LRSAM1: variants seen among roughly 807,000 people sequenced by gnomAD.
The protein encoded by LRSAM1 is leucine rich repeat and sterile alpha motif containing 1, also known as E3 ubiquitin-protein ligase LRSAM1.
LRSAM1 carries 96 observed loss-of-function variants against 118.1 expected under a neutral mutation model. That is an observed-to-expected ratio of 0.81 (90% CI 0.69 to 0.96). The LOEUF is 0.96. Ranked by LOEUF, LRSAM1 falls within the 40% of genes least tolerant of loss-of-function variation. The probability of loss-of-function intolerance (pLI) is 0.00; values close to 1 mark genes in which losing one functional copy is unlikely to be tolerated. For synonymous variants in LRSAM1, 322 were observed against 364.2 expected (o/e 0.88, Z 1.32); for missense variants, 804 against 915.5 (o/e 0.88, Z 1.57).
At position 127,482,996 on chromosome 9, in the gene LRSAM1, A is replaced by G; in HGVS notation, c.1135A>G (p.Ser379Gly). Residue 379 changes from serine to glycine, a missense_variant, in exon 16 of 26, where the codon AGC (serine) becomes GGC (glycine). Coordinates refer to ENST00000300417, the MANE Select transcript of LRSAM1 (RefSeq NM_001005373.4). ...LMSITQEETE[S>G]LRRRDVASAM... The stretch of plus-strand genomic sequence containing the variant: ...GTCCATAACCCAGGAGGAGACTGAG[A>G]GCCTGCGGCGACGTGACGTTGCCTG... 8.8e-6 allele frequency: 14 copies of G among 1,589,006 alleles called. No individual in the cohort carries two copies. The highest frequency in any genetic ancestry group is 1.2e-5 in the Non-Finnish European group (14 of 1,167,912).
chr9:127,480,877 C>G (rs1418655303), intron 14 of LRSAM1, among the ~76,000 whole-genome samples: 1 of 152,138 alleles, frequency 6.6e-6, no homozygotes, highest in Non-Finnish European at 1.5e-5. Flanking sequence ...TAAGGTTTCT[C>G]CATGTTGACC....
At chr9:127,460,728 G>T (rs1039223126) in intron 7 of LRSAM1, among the ~76,000 whole-genome samples, 2 of 152,142 alleles carry the variant, frequency 1.3e-5, no homozygotes, top group African/African-American at 2.4e-5. Context: ...GGGCCGGTAG[G>T]GGGAGATAAG....
At chr9:127,460,380 A>G (rs1182537029) in intron 7 of LRSAM1, among the ~76,000 whole-genome samples, 1 of 152,192 alleles carries the variant, frequency 6.6e-6, no homozygotes, top group Non-Finnish European at 1.5e-5. Flanking sequence ...GAGGGAGCAC[A>G]GCTTCGGAAT....
At chr9:127,456,915 A>G (rs190372376) in intron 5 of LRSAM1, among the ~76,000 whole-genome samples, 2 of 152,046 alleles carry the variant, frequency 1.3e-5, no homozygotes, top group East Asian at 1.9e-4. Context: ...ACCTGGACTG[A>G]GCCCTGGCCC....
At chr9:127,491,018 G>A (rs560841414) in intron 19 of LRSAM1, among the ~76,000 whole-genome samples, 197 bp from the exon 20 acceptor site, 3 of 151,982 alleles carry the variant, frequency 2.0e-5, no homozygotes, top group South Asian at 2.1e-4. Flanking sequence ...CCCCAGGAAC[G>A]CGAGGCCATG....
chr9:127,497,577 C>G (rs1481295373), intron 24 of LRSAM1, among the ~76,000 whole-genome samples: 1 of 152,216 alleles, frequency 6.6e-6, no homozygotes, highest in Non-Finnish European at 1.5e-5. Flanking sequence ...GAGGGGCCCT[C>G]CCAGCTCCCT....
chr9:127,466,504 A>ATATATATATATATATTTT (rs1554755061), intron 9 of LRSAM1, among the ~76,000 whole-genome samples: 3 of 24,520 alleles, frequency 1.2e-4, no homozygotes, highest in Non-Finnish European at 2.2e-4. Context: ...ATATATATAT[A>ATATATATATATATATTTT]TTTTTTTTTT....
At chr9:127,491,496 G>A (rs1037799563) in intron 20 of LRSAM1, among the ~76,000 whole-genome samples, 29 of 152,324 alleles carry the variant, frequency 1.9e-4, no homozygotes, top group African/African-American at 6.0e-4. Context: ...AAGGTTAGAG[G>A]TGGTCAGCCT....
chr9:127,475,192 A>G (rs1270571468), intron 11 of LRSAM1, among the ~76,000 whole-genome samples: 12 of 152,150 alleles, frequency 7.9e-5, no homozygotes, highest in Non-Finnish European at 1.8e-4. Flanking sequence ...TAGATTGAGC[A>G]GAGAAAGAAC....
chr9:127,473,136 G>A (rs370328910), intron 10 of LRSAM1, among the ~76,000 whole-genome samples: 1 of 152,104 alleles, frequency 6.6e-6, no homozygotes, highest in Non-Finnish European at 1.5e-5. Context: ...TTTTTCATAC[G>A]TCTCCTGCCC....
At chr9:127,470,297 G>A (rs1835118665) in intron 10 of LRSAM1, among the ~76,000 whole-genome samples, 1 of 152,074 alleles carries the variant, frequency 6.6e-6, no homozygotes, top group African/African-American at 2.4e-5. Context: ...CATGGTGGAA[G>A]GCACCTCTTC....
intron 25 of LRSAM1, among the ~76,000 whole-genome samples, chr9:127,501,444 T>C (rs1386048519): frequency 6.6e-6 from 1 of 152,132 alleles, no homozygotes; most frequent in Non-Finnish European, 1.5e-5. Flanking sequence ...TAGAAAATCA[T>C]CTTTTGGCCA....
At chr9:127,464,743 A>C (rs912556046) in intron 9 of LRSAM1, among the ~76,000 whole-genome samples, 1 of 151,778 alleles carries the variant, frequency 6.6e-6, no homozygotes, top group Non-Finnish European at 1.5e-5. Flanking sequence ...TCCTGGGCTC[A>C]AGAGATCCTC....
chr9:127,499,114 C>G (rs1287621457), intron 24 of LRSAM1, among the ~76,000 whole-genome samples: 1 of 151,272 alleles, frequency 6.6e-6, no homozygotes, highest in African/African-American at 2.4e-5. Context: ...TGGCTCATGG[C>G]TGTAATCCCA....
intron 6 of LRSAM1, 108 bp downstream of exon 6, chr9:127,457,501 T>G (rs1373494522): frequency 2.1e-6 from 2 of 967,328 alleles, no homozygotes; most frequent in Non-Finnish European, 3.2e-6. Flanking sequence ...GGGCCCAATC[T>G]ACCAGTCAGT....
chr9:127,461,930 G>A (rs2132013201), intron 8 of LRSAM1, among the ~76,000 whole-genome samples: 3 of 152,340 alleles, frequency 2.0e-5, no homozygotes, highest in African/African-American at 7.2e-5. Context: ...AGCATGAGGG[G>A]CCCTGTGCGG....
Position 127,501,128 on chromosome 9 carries a change from G to A in LRSAM1, c.2031G>A (p.Val677=). 1.2e-6 allele frequency: 2 copies of A among 1,613,446 alleles called. No individual in the cohort carries two copies. The highest frequency in any genetic ancestry group is 8.5e-7 in the Non-Finnish European group (1 of 1,180,008). ...ELEVQASECV[V]CLEREAQMIF... The stretch of plus-strand genomic sequence containing the variant: ...AGGTGCAGGCCTCAGAGTGTGTCGT[G>A]TGCCTGGAACGGGAGGTAAGTCCGG... The change falls in exon 25 of 26, where the codon GTG becomes GTA. Residue 677 remains valine (V), a synonymous_variant. Coordinates refer to ENST00000300417, the MANE Select transcript of LRSAM1 (RefSeq NM_001005373.4).
rs1392820291 is a variant in LRSAM1 at position 127,461,241 on chromosome 9, G to C, written c.390G>C (p.Gln130His). ...CCATTGGGAACCTGACCCAGCTCCA[G>C]ACTCTCAATGTTAAAGGTAGGGACC... Reference protein sequence around the residue: ...PRSIGNLTQLQTLNVKDNKLK... With the variant: ...PRSIGNLTQLHTLNVKDNKLK... Residue 130 changes from glutamine to histidine, a missense_variant, in exon 8 of 26, where the codon CAG becomes CAC. Gln to His is a conservative substitution (Grantham distance 24, BLOSUM62 0). Transcript: ENST00000300417. 6 of 1,611,918 alleles carry C rather than the reference G, an allele frequency of 3.7e-6. No individual in the cohort carries two copies. The South Asian group carries it at 4.4e-5, about 12-fold the overall frequency.
chr9:127,466,495 TATATATA>T (rs1295112171), intron 9 of LRSAM1, among the ~76,000 whole-genome samples: 1,092 of 32,118 alleles, frequency 0.034, 68 homozygotes, highest in Non-Finnish European at 0.042. Flanking sequence ...TATATATATA[TATATATA>T]TATTTTTTTT....
Sources: gnomAD v4.1 joint callset for allele counts (sites outside exome capture counted in the v4.1 genomes callset) on GRCh38, gnomAD v4.1.1 for gene constraint, MANE v1.5 for transcripts, NCBI Gene and HGNC (gene_info 2026-07-23, HGNC 2026-07-21) for gene names.